Variants in RNF180 observed in about 807,000 individuals in gnomAD.
RNF180 encodes E3 ubiquitin-protein ligase RNF180.
RNF180 carries 38 observed loss-of-function variants against 59.2 expected under a neutral mutation model. That is an observed-to-expected ratio of 0.64 (90% CI 0.50 to 0.84). The LOEUF is 0.84. Ranked by LOEUF, RNF180 falls within the 40% of genes least tolerant of loss-of-function variation. The pLI, the probability that RNF180 is intolerant of heterozygous loss-of-function variation, is 0.00. For missense variants in RNF180, 705 were observed against 700.9 expected (o/e 1.01, Z -0.07); for synonymous variants, 262 against 240.3 (o/e 1.09, Z -0.84).
At chr5:64,366,399 T>A (rs1463600939) in intron 7 of RNF180, among the ~76,000 whole-genome samples, 1 of 151,578 alleles carries the variant, frequency 6.6e-6, no homozygotes, top group East Asian at 1.9e-4. Flanking sequence ...ACTTTTTATT[T>A]CATTTCCACC....
At chr5:64,298,854 G>A (rs1743023746) in intron 5 of RNF180, among the ~76,000 whole-genome samples, 1 of 151,962 alleles carries the variant, frequency 6.6e-6, no homozygotes, top group Non-Finnish European at 1.5e-5. Flanking sequence ...TAGTTCCAGA[G>A]CCTCTTGCAA....
intron 5 of RNF180, among the ~76,000 whole-genome samples, chr5:64,285,544 G>T (rs747384634): frequency 8.6e-5 from 13 of 151,930 alleles, no homozygotes; most frequent in Admixed American, 2.0e-4. Context: ...GCATCATGTG[G>T]GTCAAGTCAG....
intron 7 of RNF180, among the ~76,000 whole-genome samples, chr5:64,365,932 C>G (rs1006175624): frequency 3.3e-5 from 5 of 151,454 alleles, no homozygotes; most frequent in African/African-American, 9.7e-5. Context: ...TACAGCTTGC[C>G]AAGCTGTGCC....
chr5:64,231,773 T>C (rs1742115034), intron 5 of RNF180, among the ~76,000 whole-genome samples: 1 of 152,344 alleles, frequency 6.6e-6, no homozygotes, highest in Non-Finnish European at 1.5e-5. Context: ...ATCTCACTTA[T>C]ATTAGGTGAA....
At chr5:64,278,367 G>C (rs1237532889) in intron 5 of RNF180, among the ~76,000 whole-genome samples, 3 of 152,138 alleles carry the variant, frequency 2.0e-5, no homozygotes, top group Non-Finnish European at 4.4e-5. Context: ...ATAGTCTCAA[G>C]AGACACAGAC....
intron 5 of RNF180, among the ~76,000 whole-genome samples, chr5:64,288,746 A>G (rs939683107): frequency 2.6e-5 from 4 of 152,156 alleles, no homozygotes; most frequent in Non-Finnish European, 5.9e-5. Flanking sequence ...GTGATTTTGT[A>G]TCCTGAGACT....
chr5:64,305,802 G>A (rs1213396919), intron 5 of RNF180, among the ~76,000 whole-genome samples: 3 of 151,472 alleles, frequency 2.0e-5, no homozygotes, highest in South Asian at 2.1e-4. Flanking sequence ...CTGATTTAGT[G>A]ACTTCTTAAC....
chr5:64,229,608 T>C (rs1479418455), intron 5 of RNF180, among the ~76,000 whole-genome samples: 1 of 152,230 alleles, frequency 6.6e-6, no homozygotes, highest in Non-Finnish European at 1.5e-5. Flanking sequence ...GAACATTTAT[T>C]GTATGTTTGT....
chr5:64,287,539 A>T (rs1438606264), intron 5 of RNF180, among the ~76,000 whole-genome samples: 1 of 152,166 alleles, frequency 6.6e-6, no homozygotes, highest in Admixed American at 6.5e-5. Context: ...TTACACTCCC[A>T]TCAACAGTGT....
At chr5:64,259,077 G>T (rs1183241257) in intron 5 of RNF180, among the ~76,000 whole-genome samples, 4 of 152,120 alleles carry the variant, frequency 2.6e-5, no homozygotes, top group African/African-American at 4.8e-5. Context: ...AGGTAGAAGA[G>T]CACTAATTTG....
At chr5:64,194,364 A>G (rs1579972986) in intron 1 of RNF180, among the ~76,000 whole-genome samples, 2 of 152,282 alleles carry the variant, frequency 1.3e-5, no homozygotes. Flanking sequence ...ATAGTATTCC[A>G]TGGTGTATAT....
chr5:64,252,378 G>A (rs1180596642), intron 5 of RNF180, among the ~76,000 whole-genome samples: 1 of 152,106 alleles, frequency 6.6e-6, no homozygotes, highest in Non-Finnish European at 1.5e-5. Context: ...ATATGACATG[G>A]TGGCCATAGT....
intron 5 of RNF180, among the ~76,000 whole-genome samples, chr5:64,235,749 G>C (rs1580076180): frequency 6.6e-6 from 1 of 152,058 alleles, no homozygotes; most frequent in Non-Finnish European, 1.5e-5. Flanking sequence ...CCCCCTTGCT[G>C]TTCTTATGAT....
chr5:64,325,607 C>G (rs1161410092), intron 6 of RNF180, among the ~76,000 whole-genome samples, 196 bp downstream of exon 6: 1 of 152,172 alleles, frequency 6.6e-6, no homozygotes, highest in East Asian at 1.9e-4. Flanking sequence ...CTCGAATTCC[C>G]TACTGTACAC....
intron 5 of RNF180, among the ~76,000 whole-genome samples, chr5:64,234,575 GTTCTTTTTTTTTTTTTTTTT>G (rs1742294415): frequency 1.5e-4 from 12 of 77,726 alleles, no homozygotes; most frequent in African/African-American, 4.8e-4. Flanking sequence ...GCAGTTACCC[GTTCTTTTTTTTTTTTTTTTT>G]TTTTTTTTTT....
At chr5:64,314,398 A>G (rs1299922679) in intron 5 of RNF180, among the ~76,000 whole-genome samples, 2 of 152,044 alleles carry the variant, frequency 1.3e-5, no homozygotes, top group Non-Finnish European at 2.9e-5. Context: ...AAATAATCGT[A>G]TTTACTATTA....
At chr5:64,320,766 C>T (rs371452278) in intron 5 of RNF180, among the ~76,000 whole-genome samples, 2 of 152,186 alleles carry the variant, frequency 1.3e-5, no homozygotes, top group African/African-American at 4.8e-5. Context: ...AGGCTGGGCG[C>T]GATGGCTCAC....
At chr5:64,317,764 A>G (rs1399981228) in intron 5 of RNF180, among the ~76,000 whole-genome samples, 1 of 150,856 alleles carries the variant, frequency 6.6e-6, no homozygotes, top group Non-Finnish European at 1.5e-5. Context: ...ATGCTCCTCA[A>G]TTTTCTATGG....
chr5:64,195,436 G>C (rs767736804), intron 1 of RNF180, among the ~76,000 whole-genome samples: 42 of 152,218 alleles, frequency 2.8e-4, no homozygotes, highest in South Asian at 8.3e-4. Flanking sequence ...CATGTGAAAG[G>C]GGTGTGTTCT....
Sources: gnomAD v4.1 joint callset for allele counts (sites outside exome capture counted in the v4.1 genomes callset) on GRCh38, gnomAD v4.1.1 for gene constraint, MANE v1.5 for transcripts, NCBI Gene and HGNC (gene_info 2026-07-23, HGNC 2026-07-21) for gene names.